IGSF21: variants seen among roughly 807,000 people sequenced by gnomAD.
IGSF21 encodes immunoglobulin superfamily member 21.
Under a neutral mutation model 46.8 loss-of-function variants are expected in IGSF21, and 28 were observed. The ratio of observed to expected loss-of-function variants is 0.60; its 90% CI spans 0.44 to 0.82. IGSF21 has a LOEUF of 0.82. Ranked by LOEUF, IGSF21 falls within the 40% of genes least tolerant of loss-of-function variation. IGSF21 has a pLI of 0.00. For missense variants in IGSF21, 624 were observed against 665.5 expected (o/e 0.94, Z 0.69); for synonymous variants, 284 against 273.6 (o/e 1.04, Z -0.38).
At chr1:18,196,922 C>A (rs910184130) in intron 1 of IGSF21, among the ~76,000 whole-genome samples, 1 of 152,266 alleles carries the variant, frequency 6.6e-6, no homozygotes, top group Non-Finnish European at 1.5e-5. Flanking sequence ...TGCCCCTGTC[C>A]AGATGAGTGA....
Position 18,299,624 on chromosome 1 carries a change from A to G in IGSF21, c.305+7637A>G, listed in dbSNP as rs113479527. 4.4e-3 allele frequency among the ~76,000 whole-genome samples: 670 copies of G among 152,314 alleles called. 9 individuals are homozygous for G. The highest frequency in any genetic ancestry group is 0.015 in the African/African-American group (632 of 41,572). ...CGTTGTTGTTGCCAGGCACTCAGCAACAACAAACACAGGCCCTGCCCTTAT... is the reference window on the plus strand; with the variant it reads ...CGTTGTTGTTGCCAGGCACTCAGCAGCAACAAACACAGGCCCTGCCCTTAT... On this transcript the variant is annotated intron_variant, in intron 3 of 9. Transcript: ENST00000251296.
rs1266759449 is a variant in IGSF21, at chr1:18,337,215, C to T, written c.424+2205C>T. Among the ~76,000 whole-genome samples the T allele has an allele frequency of 1.3e-5, 2 of 152,130 alleles. No individual in the cohort carries two copies. The highest frequency in any genetic ancestry group is 1.9e-4 in the East Asian group (1 of 5,176). On this transcript the variant is annotated intron_variant, in intron 4 of 9. Transcript: ENST00000251296. The surrounding 1 kb of genome is among the most constrained non-coding windows in gnomAD (Gnocchi z 5.7). ...AGGCACAGAGTGATCTCGTGGGACT[C>T]ACTCAGGTTGCACAACTGGCCTGAT...
chr1:18,188,674 C>T (rs184239113), intron 1 of IGSF21, among the ~76,000 whole-genome samples: 5 of 152,228 alleles, frequency 3.3e-5, no homozygotes. Context: ...TCCCTGTGTA[C>T]CCAGAACTGT....
chr1:18,283,504 G>A (rs939023414), intron 2 of IGSF21, among the ~76,000 whole-genome samples: 3 of 152,180 alleles, frequency 2.0e-5, no homozygotes, highest in African/African-American at 4.8e-5. Context: ...GTTTCAGGGT[G>A]GAGAACAGGT....
At chr1:18,227,513 AG>A (rs1456576308) in intron 1 of IGSF21, among the ~76,000 whole-genome samples, 1 of 151,852 alleles carries the variant, frequency 6.6e-6, no homozygotes, top group East Asian at 1.9e-4. Flanking sequence ...AAAGGGGTGG[AG>A]GGGCGATGTT....
intron 1 of IGSF21, among the ~76,000 whole-genome samples, chr1:18,130,883 C>T (rs2086314507): frequency 6.6e-6 from 1 of 152,232 alleles, no homozygotes; most frequent in Non-Finnish European, 1.5e-5. Flanking sequence ...CCCTGTTGGC[C>T]CCCCTGCTCT....
At chr1:18,138,733 A>T (rs2086388618) in intron 1 of IGSF21, among the ~76,000 whole-genome samples, 1 of 152,140 alleles carries the variant, frequency 6.6e-6, no homozygotes, top group Non-Finnish European at 1.5e-5. Context: ...TCTTTTAGGT[A>T]AAGAAGTGCA....
chr1:18,232,566 T>A (rs888250950), intron 2 of IGSF21, among the ~76,000 whole-genome samples: 1 of 152,196 alleles, frequency 6.6e-6, no homozygotes, highest in African/African-American at 2.4e-5. Context: ...AGAGACTGTG[T>A]CTCGGGTCAT....
chr1:18,343,807 T>C (rs993001798), intron 4 of IGSF21, among the ~76,000 whole-genome samples: 10 of 152,360 alleles, frequency 6.6e-5, no homozygotes, highest in Admixed American at 2.6e-4. Context: ...TCTATATGTC[T>C]ATCCCTGTGC....
At chr1:18,174,856 G>T (rs958046329) in intron 1 of IGSF21, among the ~76,000 whole-genome samples, 2 of 152,222 alleles carry the variant, frequency 1.3e-5, no homozygotes, top group Non-Finnish European at 2.9e-5. Flanking sequence ...ACCTGCACCA[G>T]AATCCTTGCC....
chr1:18,307,238 T>C (rs2085435785), intron 3 of IGSF21, among the ~76,000 whole-genome samples: 2 of 152,036 alleles, frequency 1.3e-5, no homozygotes, highest in South Asian at 4.1e-4. Context: ...CTCTCCCTCC[T>C]CCTCCCCAAC....
chr1:18,182,648 T>TTGAATGAATGAATGCATGCATGGATGAA (rs1173699335), intron 1 of IGSF21, among the ~76,000 whole-genome samples: 10 of 152,190 alleles, frequency 6.6e-5, no homozygotes, highest in Non-Finnish European at 1.5e-4. Flanking sequence ...GTCACCACTG[T>TTGAATGAATGAATGCATGCATGGATGAA]TGAATGAATG....
rs994497969 is a variant in IGSF21, at chr1:18,373,652, G to A, written c.1016-2658G>A. ...CACACAGGAGCCCAGGAGCCGGGGT[G>A]CCCTGGGTGGAAGAAGGCACCCATC... On this transcript the variant is annotated intron_variant, in intron 6 of 9. Coordinates refer to ENST00000251296, the MANE Select transcript of IGSF21 (RefSeq NM_032880.5). Among the ~76,000 whole-genome samples the A allele has an allele frequency of 2.6e-5, 4 of 152,148 alleles. No individual in the cohort carries two copies. The South Asian group carries it at 6.2e-4, about 24-fold the overall frequency.
chr1:18,132,843 T>C (rs1449263779), intron 1 of IGSF21, among the ~76,000 whole-genome samples: 2 of 146,912 alleles, frequency 1.4e-5, no homozygotes, highest in Non-Finnish European at 3.0e-5. Context: ...CCTCCTAGCA[T>C]CTCCCTGTTT....
At chr1:18,299,918 A>G (rs1218429866) in intron 3 of IGSF21, among the ~76,000 whole-genome samples, 3 of 152,198 alleles carry the variant, frequency 2.0e-5, no homozygotes, top group Non-Finnish European at 4.4e-5. Context: ...GATGCTCAGC[A>G]GCCTTCAGCA....
At chr1:18,289,204 G>T (rs991698089) in intron 2 of IGSF21, among the ~76,000 whole-genome samples, 1 of 152,174 alleles carries the variant, frequency 6.6e-6, no homozygotes, top group East Asian at 1.9e-4. Flanking sequence ...AAGGGCTGCC[G>T]CATTTTAGGA....
chr1:18,271,883 G>C (rs1160214016), intron 2 of IGSF21, among the ~76,000 whole-genome samples: 1 of 152,192 alleles, frequency 6.6e-6, no homozygotes, highest in Non-Finnish European at 1.5e-5. Context: ...GCTAGGGATG[G>C]AGTGTGGCTC....
At chr1:18,246,084 C>A (rs2084780453) in intron 2 of IGSF21, among the ~76,000 whole-genome samples, 1 of 152,226 alleles carries the variant, frequency 6.6e-6, no homozygotes, top group South Asian at 2.1e-4. Flanking sequence ...CTGGGACTTG[C>A]TGCTATTAAA....
At chr1:18,157,655 C>T (rs577322656) in intron 1 of IGSF21, among the ~76,000 whole-genome samples, 30 of 152,334 alleles carry the variant, frequency 2.0e-4, no homozygotes, top group African/African-American at 7.0e-4. Flanking sequence ...GCCCGTCTTC[C>T]TCCCAGCTGC....
Sources: allele counts gnomAD v4.1 joint callset (sites outside exome capture counted in the v4.1 genomes callset), GRCh38; gene constraint gnomAD v4.1.1; non-coding constraint Gnocchi (gnomAD v3.1); transcripts MANE v1.5; gene names NCBI Gene and HGNC (gene_info 2026-07-23, HGNC 2026-07-21).